Variants in NUP93 observed in about 807,000 individuals in gnomAD.
NUP93 encodes the protein nuclear pore complex protein Nup93.
In NUP93, 55 loss-of-function variants were observed where a neutral mutation model predicts 107.8. That is an observed-to-expected ratio of 0.51 (90% CI 0.41 to 0.64). The LOEUF (loss-of-function observed/expected upper bound fraction) is 0.64. Ranked by LOEUF, NUP93 falls within the 30% of genes least tolerant of loss-of-function variation. The pLI is 0.00. For missense variants in NUP93, 937 were observed against 1,044.7 expected (o/e 0.90, Z 1.42); for synonymous variants, 390 against 397.5 (o/e 0.98, Z 0.22).
chr16:56,735,005 G>A (rs544662464), intron 1 of NUP93, among the ~76,000 whole-genome samples: 6 of 152,218 alleles, frequency 3.9e-5, no homozygotes, highest in South Asian at 2.1e-4. Context: ...GAGGTCTGCT[G>A]TGAGGATGAC....
chr16:56,794,550 T>C (rs1962846296), intron 3 of NUP93, among the ~76,000 whole-genome samples: 1 of 151,480 alleles, frequency 6.6e-6, no homozygotes, highest in South Asian at 2.1e-4. Context: ...AATGTGGTCA[T>C]TGCTTTGCAT....
intron 3 of NUP93, among the ~76,000 whole-genome samples, chr16:56,774,903 G>GTTTTTT (rs550311910): frequency 4.3e-5 from 6 of 138,384 alleles, no homozygotes; most frequent in Non-Finnish European, 4.8e-5. Flanking sequence ...TTTTGTTTTT[G>GTTTTTT]TTTTTTTTTT....
chr16:56,819,361 A>G (rs1963497789), intron 6 of NUP93, among the ~76,000 whole-genome samples: 1 of 152,244 alleles, frequency 6.6e-6, no homozygotes, highest in South Asian at 2.1e-4. Context: ...GTGCCAGCCA[A>G]CTTTGTGCTT....
intron 5 of NUP93, 173 bp downstream of exon 5, chr16:56,805,805 C>T: frequency 1.5e-6 from 1 of 653,774 alleles, no homozygotes; most frequent in Non-Finnish European, 2.6e-6. Context: ...ACATGTCTGC[C>T]TGCTTCGTCT....
At chr16:56,760,771 G>T (rs141602168) in intron 3 of NUP93, among the ~76,000 whole-genome samples, 1 of 152,066 alleles carries the variant, frequency 6.6e-6, no homozygotes, top group South Asian at 2.1e-4. Context: ...TTCAAACTAC[G>T]TTACTCTGTC....
chr16:56,836,855 A>G (rs1292014993), intron 17 of NUP93, 138 bp downstream of exon 17: 2 of 596,254 alleles, frequency 3.4e-6, no homozygotes, highest in South Asian at 2.2e-5. Flanking sequence ...TAGACAGTTA[A>G]TGGTCCAGTC....
intron 2 of NUP93, among the ~76,000 whole-genome samples, chr16:56,753,744 G>A (rs184951451): frequency 3.6e-4 from 55 of 152,272 alleles, no homozygotes; most frequent in African/African-American, 1.3e-3. Flanking sequence ...ACCTGTTGAT[G>A]AAAAGAGATT....
At position 56,849,094 on chromosome 16, in the gene NUP93, C is replaced by T. The variant is rs1285814427; in HGVS notation, c.*4485C>T. 6 of 152,266 alleles carry T rather than the reference C, an allele frequency of 3.9e-5. No individual in the cohort carries two copies. The East Asian group carries it at 5.8e-4, about 15-fold the overall frequency. The allele number at this position is 152,266 out of a possible 1,614,324, so 9.4% of individuals were successfully genotyped here. ...TTGCTTTGTCCTCCTGTGCCAGGCT[C>T]CTCCCCACATCCTCTGGATCAGCTC... On this transcript the variant is annotated 3_prime_UTR_variant, in exon 22 of 22. Transcript: ENST00000308159.
rs1206534631 is a variant in NUP93 at position 56,846,826 on chromosome 16, G to C, written c.*2217G>C. The C allele has an allele frequency of 6.6e-6, 1 of 152,156 alleles. No individual in the cohort carries two copies. Among genetic ancestry groups the C allele is most frequent in the Non-Finnish European group, 1.5e-5 (1 of 68,026 alleles). 9.4% of individuals were successfully genotyped at this position (152,156 alleles called of 1,614,324 possible). On this transcript the variant is annotated 3_prime_UTR_variant, in exon 22 of 22. Coordinates refer to ENST00000308159, the MANE Select transcript of NUP93 (RefSeq NM_014669.5). ...ATATAACAATGCCACAAATGAGAAG[G>C]CTCAAGTTGTTTAAATACATGTTTG...
rs1335386731 is a variant in NUP93, at chr16:56,846,411, AAAAT to A, written c.*1806_*1809del. Reference sequence around the variant, plus strand: ...TGAAAGAGCGATACTCCGTCTCAAAAAAATAAAGAGTACTCTGGCCGAGTGCAGT... The same window carrying A: ...TGAAAGAGCGATACTCCGTCTCAAAAAAAGAGTACTCTGGCCGAGTGCAGT... On this transcript the variant is annotated 3_prime_UTR_variant, in exon 22 of 22. Transcript: ENST00000308159. The A allele has an allele frequency of 6.7e-6, 1 of 148,716 alleles. No homozygotes were observed. The highest frequency in any genetic ancestry group is 1.5e-5 in the Non-Finnish European group (1 of 67,386). The allele number at this position is 148,716 out of a possible 1,614,324, so 9.2% of individuals were successfully genotyped here.
At chr16:56,738,613 C>T (rs1414071326) in intron 1 of NUP93, among the ~76,000 whole-genome samples, 1 of 151,998 alleles carries the variant, frequency 6.6e-6, no homozygotes, top group African/African-American at 2.4e-5. Context: ...TTTTTTTTCC[C>T]TCTCCTCTCT....
At chr16:56,763,732 A>C (rs1962170277) in intron 3 of NUP93, among the ~76,000 whole-genome samples, 1 of 152,172 alleles carries the variant, frequency 6.6e-6, no homozygotes, top group African/African-American at 2.4e-5. Flanking sequence ...TTCCCTGCTG[A>C]GGAAAAGACA....
At chr16:56,792,783 T>G (rs1962798483) in intron 3 of NUP93, among the ~76,000 whole-genome samples, 1 of 152,146 alleles carries the variant, frequency 6.6e-6, no homozygotes, top group African/African-American at 2.4e-5. Flanking sequence ...GAAAACAAAT[T>G]TAAGGAAATT....
chr16:56,740,394 C>G (rs1286603562), intron 1 of NUP93, among the ~76,000 whole-genome samples: 1 of 150,792 alleles, frequency 6.6e-6, no homozygotes, highest in African/African-American at 2.4e-5. Flanking sequence ...GATGGGGCGG[C>G]GGGGCAGAGG....
intron 2 of NUP93, among the ~76,000 whole-genome samples, chr16:56,751,440 T>G (rs898701902): frequency 6.6e-6 from 1 of 152,212 alleles, no homozygotes; most frequent in Admixed American, 6.5e-5. Flanking sequence ...AATAACCCTG[T>G]GAAAGTGTTA....
chr16:56,817,925 A>G (rs1963466878), intron 5 of NUP93, among the ~76,000 whole-genome samples: 1 of 152,254 alleles, frequency 6.6e-6, no homozygotes, highest in Admixed American at 6.5e-5. Context: ...AGTCCACACA[A>G]TGACGAAATC....
chr16:56,748,077 G>T (rs1238042648), intron 1 of NUP93, 157 bp from the exon 2 acceptor site: 3 of 514,870 alleles, frequency 5.8e-6, no homozygotes, highest in Non-Finnish European at 7.0e-6. Flanking sequence ...GCCTGTTCTT[G>T]GGCTATGTTC....
At chr16:56,768,699 T>A (rs1416597711) in intron 3 of NUP93, among the ~76,000 whole-genome samples, 1 of 147,012 alleles carries the variant, frequency 6.8e-6, no homozygotes, top group Non-Finnish European at 1.5e-5. Context: ...ACCCTGTCTC[T>A]ACTAAAAAAT....
chr16:56,741,271 G>A (rs1260801616), intron 1 of NUP93, among the ~76,000 whole-genome samples: 2 of 152,134 alleles, frequency 1.3e-5, no homozygotes, highest in Non-Finnish European at 2.9e-5. Flanking sequence ...TGCCAAATTG[G>A]CAACTTGGGA....
Sources: allele counts gnomAD v4.1 joint callset (sites outside exome capture counted in the v4.1 genomes callset), GRCh38; gene constraint gnomAD v4.1.1; transcripts MANE v1.5; gene names NCBI Gene and HGNC (gene_info 2026-07-23, HGNC 2026-07-21).